The following CLIP1 variants were observed in gnomAD, a reference collection of about 807,000 sequenced individuals.
CLIP1 encodes CAP-Gly domain containing linker protein 1, also known as CAP-Gly domain-containing linker protein 1.
CLIP1 carries 66 observed loss-of-function variants against 161.6 expected under a neutral mutation model. The ratio of observed to expected loss-of-function variants is 0.41; its 90% confidence interval spans 0.33 to 0.50. The LOEUF (loss-of-function observed/expected upper bound fraction) is 0.50, where lower values mean the gene tolerates loss of function less well. Among genes scored for constraint, CLIP1 ranks in the 20% least tolerant of loss-of-function variants. The pLI, the probability that CLIP1 is intolerant of heterozygous loss-of-function variation, is 0.27. For synonymous variants in CLIP1, 598 were observed against 626.2 expected (o/e 0.96, Z 0.67); for missense variants, 1,376 against 1,702.0 (o/e 0.81, Z 3.37).
chr12:122,344,678 A>G (rs1952661623), intron 10 of CLIP1, among the ~76,000 whole-genome samples: 1 of 152,196 alleles, frequency 6.6e-6, no homozygotes, highest in African/African-American at 2.4e-5. Flanking sequence ...ATTCAAAACT[A>G]TGTGGTATGT....
intron 20 of CLIP1, among the ~76,000 whole-genome samples, chr12:122,288,940 C>T (rs893186848): frequency 2.7e-5 from 4 of 149,776 alleles, no homozygotes; most frequent in African/African-American, 4.9e-5. Flanking sequence ...CTCAGCCTCC[C>T]GAGTAGCTGG....
At position 122,387,564 on chromosome 12, in the gene CLIP1, ATATATATATATATATATATATATATATT is replaced by A. The variant is rs1326257565; in HGVS notation, c.-106-7034_-106-7007del. ...TGCCTTTTCATATATATATATATATATATATATATATATATATATATATATATTTTTTTTTTTTTTTTTTTTTTTTTTA... is the reference window on the plus strand; with the variant it reads ...TGCCTTTTCATATATATATATATATATTTTTTTTTTTTTTTTTTTTTTTTA... On this transcript the variant is annotated intron_variant, in intron 1 of 25. Transcript: ENST00000620786. Among the ~76,000 whole-genome samples the A allele has an allele frequency of 4.4e-3, 38 of 8,684 alleles. 1 individual carries two copies. Among genetic ancestry groups the A allele is most frequent in the Middle Eastern group, 0.023 (1 of 44 alleles). 5.7% of individuals were successfully genotyped at this position (8,684 alleles called of 152,430 possible).
intron 3 of CLIP1, chr12:122,364,969 G>C (rs1212272010): frequency 4.6e-6 from 2 of 433,726 alleles, no homozygotes; most frequent in Non-Finnish European, 8.8e-6. Context: ...ATCATTCTCA[G>C]TAAACTATCG....
intron 19 of CLIP1, among the ~76,000 whole-genome samples, chr12:122,314,340 G>A (rs990218078): frequency 2.7e-5 from 4 of 150,936 alleles, no homozygotes; most frequent in African/African-American, 7.3e-5. Flanking sequence ...GCATGGCGAC[G>A]CGCGCCTGTA....
chr12:122,301,701 G>C (rs891906930), intron 20 of CLIP1, among the ~76,000 whole-genome samples: 3 of 152,080 alleles, frequency 2.0e-5, no homozygotes, highest in Non-Finnish European at 4.4e-5. Flanking sequence ...CACAACATTA[G>C]TATGTGCCCA....
intron 20 of CLIP1, among the ~76,000 whole-genome samples, chr12:122,306,144 T>C (rs578238592): frequency 6.6e-6 from 1 of 152,058 alleles, no homozygotes; most frequent in East Asian, 2.0e-4. Flanking sequence ...GGAAGCTTCC[T>C]GCCCTAGAAC....
intron 10 of CLIP1, 51 bp from the exon 11 acceptor site, chr12:122,341,748 G>T: frequency 9.3e-6 from 2 of 216,010 alleles, no homozygotes; most frequent in Non-Finnish European, 9.0e-6. Context: ...ACAAGTCATT[G>T]ACTATTTTCT....
chr12:122,377,368 T>C, intron 3 of CLIP1, 21 bp downstream of exon 3: 2 of 1,593,112 alleles, frequency 1.3e-6, no homozygotes, highest in Non-Finnish European at 1.7e-6. Flanking sequence ...TGAAATGACC[T>C]CAGAATGTTT....
chr12:122,352,669 C>T, intron 8 of CLIP1, 57 bp downstream of exon 8: 1 of 1,424,138 alleles, frequency 7.0e-7, no homozygotes, highest in Non-Finnish European at 9.9e-7. Flanking sequence ...CATTATTTCG[C>T]CCGTGTTCTG....
In CLIP1 at chr12:122,289,062, C is replaced by T. The variant is rs183620803; in HGVS notation, c.3595-521G>A. Among the ~76,000 whole-genome samples the T allele has an allele frequency of 5.7e-3, 859 of 150,958 alleles. 33 individuals are homozygous for T. Among genetic ancestry groups the T allele is most frequent in the Admixed American group, 0.05 (760 of 15,232 alleles). On this transcript the variant is annotated intron_variant, in intron 20 of 25. Transcript: ENST00000620786. ...CGATCTCCTGACCTTGTGATCCGCC[C>T]GCCTCAGCCTCCCAAAGTGCTGGGA...
At chr12:122,328,609 G>A (rs1328720694) in intron 15 of CLIP1, among the ~76,000 whole-genome samples, 183 bp from the exon 16 acceptor site, 3 of 151,848 alleles carry the variant, frequency 2.0e-5, no homozygotes, top group Non-Finnish European at 4.4e-5. Context: ...TGGGGGGGCG[G>A]AGTCTCGCTC....
At chr12:122,353,930 C>T (rs550126626) in intron 7 of CLIP1, among the ~76,000 whole-genome samples, 2 of 152,046 alleles carry the variant, frequency 1.3e-5, no homozygotes, top group Admixed American at 1.3e-4. Context: ...TGCGCCCAAT[C>T]AGGCCATGTC....
At chr12:122,290,756 T>C (rs1204949226) in intron 20 of CLIP1, among the ~76,000 whole-genome samples, 1 of 152,164 alleles carries the variant, frequency 6.6e-6, no homozygotes, top group Non-Finnish European at 1.5e-5. Context: ...ATATTTATCA[T>C]ACTGATCTTT....
intron 17 of CLIP1, among the ~76,000 whole-genome samples, chr12:122,326,353 C>T (rs1951711624): frequency 6.6e-6 from 1 of 151,956 alleles, no homozygotes; most frequent in Admixed American, 6.6e-5. Context: ...TGAGACTGGC[C>T]AGGAATGGTG....
chr12:122,356,282 C>T (rs1953351607), intron 5 of CLIP1: 1 of 152,182 alleles, frequency 6.6e-6, no homozygotes. Context: ...GCAAACTCAC[C>T]AGTGCACTGT....
chr12:122,420,953 TGATG>T (rs1956917911), intron 1 of CLIP1, among the ~76,000 whole-genome samples: 3 of 151,240 alleles, frequency 2.0e-5, no homozygotes, highest in African/African-American at 4.9e-5. Context: ...ATTGATTGAT[TGATG>T]GATGGATAGA....
intron 10 of CLIP1, among the ~76,000 whole-genome samples, chr12:122,346,198 T>A (rs1952740520): frequency 6.6e-6 from 1 of 152,206 alleles, no homozygotes; most frequent in Non-Finnish European, 1.5e-5. Context: ...CCTGCCTCCA[T>A]TATTACTATT....
intron 1 of CLIP1, among the ~76,000 whole-genome samples, chr12:122,390,279 C>CATATATATATATATATATATACATAT (rs1955578818): frequency 2.5e-5 from 2 of 78,984 alleles, no homozygotes; most frequent in African/African-American, 7.6e-5. Flanking sequence ...TATATATATA[C>CATATATATATATATATATATACATAT]ATATATATAT....
chr12:122,365,425 T>C (rs961302496), intron 3 of CLIP1: 21 of 785,066 alleles, frequency 2.7e-5, no homozygotes, highest in Non-Finnish European at 4.6e-5. Context: ...ATAATGTGCG[T>C]ATGGAGCACA....
Sources: allele counts gnomAD v4.1 joint callset (sites outside exome capture counted in the v4.1 genomes callset), GRCh38; gene constraint gnomAD v4.1.1; transcripts MANE v1.5; gene names NCBI Gene and HGNC (gene_info 2026-07-23, HGNC 2026-07-21).